RPL14: variants seen among roughly 807,000 people sequenced by gnomAD.
The protein encoded by RPL14 is ribosomal protein L14.
In RPL14, 4 loss-of-function variants were observed where a neutral mutation model predicts 25.3. The observed-to-expected ratio is 0.16, with a 90% CI of 0.08 to 0.36. The LOEUF is 0.36. Ranked by LOEUF, RPL14 falls within the 10% of genes least tolerant of loss-of-function variation. The pLI is 1.00. For missense variants in RPL14, 212 were observed against 261.9 expected (o/e 0.81, Z 1.31); for synonymous variants, 75 against 89.8 (o/e 0.84, Z 0.93).
chr3:40,458,202 C>A, intron 2 of RPL14: 1 of 587,214 alleles, frequency 1.7e-6, no homozygotes, highest in Admixed American at 3.0e-5. Flanking sequence ...TAAGCTAGAG[C>A]CAGTTATAGG....
At position 40,467,826 on chromosome 3, in the gene RPL14, T is replaced by G. The variant is rs34796686; in HGVS notation, c.*5594T>G. 0.68 allele frequency: 102,925 copies of G among 150,736 alleles called. 35,263 individuals are homozygous for G. The highest frequency in any genetic ancestry group is 0.73 in the African/African-American group (30,007 of 41,198). 9.3% of individuals were successfully genotyped at this position (150,736 alleles called of 1,614,324 possible). ...TTTTGTTTTTTGTGTGTGTGTGTTTTTTTTTTTTTTGAGACGAGGTCTTGC... is the reference window on the plus strand; with the variant it reads ...TTTTGTTTTTTGTGTGTGTGTGTTTGTTTTTTTTTTGAGACGAGGTCTTGC... On this transcript the variant is annotated 3_prime_UTR_variant, in exon 6 of 6. Coordinates refer to ENST00000396203, the MANE Select transcript of RPL14 (RefSeq NM_001034996.3).
chr3:40,461,266 T>C (rs1314499267), intron 3 of RPL14, 141 bp from the exon 4 acceptor site: 1 of 665,206 alleles, frequency 1.5e-6, no homozygotes, highest in African/African-American at 1.8e-5. Context: ...TCTGGCTTAC[T>C]GAACACAAAA....
Position 40,464,544 on chromosome 3 carries a change from A to T in RPL14, c.*2312A>T. 2.2e-6 allele frequency: 1 copy of T among 456,012 alleles called. No homozygotes were observed. The highest frequency in any genetic ancestry group is 4.4e-6 in the Non-Finnish European group (1 of 226,770). The allele number at this position is 456,012 out of a possible 1,614,324, so 28.2% of individuals were successfully genotyped here. On this transcript the variant is annotated 3_prime_UTR_variant, in exon 6 of 6. Coordinates refer to ENST00000396203, the MANE Select transcript of RPL14 (RefSeq NM_001034996.3). ...GTGTAGAGGACTGGCTCGGGACCAC[A>T]TCAAGGAAGTAGGTTAGTGGTTAGA...
rs1316713036 is a variant in RPL14, at chr3:40,462,018, G to C, written c.434G>C (p.Gly145Ala). Residue 145 changes from glycine (G) to alanine (A), a missense_variant, in exon 6 of 6, where the codon GGT becomes GCT. Gly to Ala is a moderately conservative substitution (Grantham distance 60). Coordinates refer to ENST00000396203, the MANE Select transcript of RPL14 (RefSeq NM_001034996.3). ...AAAGCTTCTCCCAAAAAAGCACCTG[G>C]TACTAAGGGTACTGCTGCTGCTGCT... ...LLKASPKKAP[G>A]TKGTAAAAAA... is the part of the protein sequence containing the mutation. 2.5e-6 allele frequency: 2 copies of C among 796,112 alleles called. No individual in the cohort carries two copies. The allele number at this position is 796,112 out of a possible 1,614,324, so 49.3% of individuals were successfully genotyped here. A position where few individuals can be genotyped will look rare whatever the true frequency, so the allele number is the denominator to read the frequency against.
rs766209314 is a variant in RPL14 at position 40,457,895 on chromosome 3, C to G, written c.9C>G (p.Phe3Leu). The change falls in exon 2 of 6, where the codon TTC becomes TTG. Residue 3 changes from phenylalanine to leucine, a missense_variant. Coordinates refer to ENST00000396203, the MANE Select transcript of RPL14 (RefSeq NM_001034996.3). The stretch of plus-strand genomic sequence containing the variant: ...CCTTTCTCCTCCAATTTTAGGTGTT[C>G]AGGCGCTTCGTGGAGGTTGGCCGGG... The part of the protein sequence containing the change: MV[F>L]RRFVEVGRVA... The G allele has an allele frequency of 1.2e-6, 2 of 1,614,154 alleles. No homozygotes were observed. The highest frequency in any genetic ancestry group is 1.7e-6 in the Non-Finnish European group (2 of 1,179,974).
Position 40,457,802 on chromosome 3 carries a change from T to G in RPL14, c.4-88T>G, listed in dbSNP as rs988574581. ...CCTGCAGCATTCTTTTTCGCTGAAT[T>G]TAACCATGTTGTCTTTAGCTGCAGA... On this transcript the variant is annotated intron_variant, in intron 1 of 5. Coordinates refer to ENST00000396203, the MANE Select transcript of RPL14 (RefSeq NM_001034996.3). 45 of 1,290,364 alleles carry G rather than the reference T, an allele frequency of 3.5e-5. No homozygotes were observed. In the South Asian group the frequency reaches 3.6e-4, roughly 10 times the overall value. 79.9% of individuals were successfully genotyped at this position (1,290,364 alleles called of 1,614,324 possible).
intron 2 of RPL14, chr3:40,458,286 C>A: frequency 1.9e-6 from 1 of 524,036 alleles, no homozygotes; most frequent in Non-Finnish European, 3.4e-6. Context: ...ACGTAGAAAG[C>A]ACTTTTGTAT....
rs1329912021 is a variant in RPL14 at position 40,465,803 on chromosome 3, G to A, written c.*3571G>A. 6.6e-6 allele frequency: 1 copy of A among 152,196 alleles called. No individual in the cohort carries two copies. Among genetic ancestry groups the A allele is most frequent in the Non-Finnish European group, 1.5e-5 (1 of 68,060 alleles). 9.4% of individuals were successfully genotyped at this position (152,196 alleles called of 1,614,324 possible). ...GTGCAATACAGAACAGTGGAAATTG[G>A]AAATTCCAATCTTGGAATCTCTAGG... On this transcript the variant is annotated 3_prime_UTR_variant, in exon 6 of 6. Transcript: ENST00000396203.
rs1697058272 is a variant in RPL14, at chr3:40,468,361, T to G, written c.*6129T>G. On this transcript the variant is annotated 3_prime_UTR_variant, in exon 6 of 6. Coordinates refer to ENST00000396203, the MANE Select transcript of RPL14 (RefSeq NM_001034996.3). The stretch of plus-strand genomic sequence containing the variant: ...ACAAAGACATTCCTGCCTGGCAGTC[T>G]TGAACTCCTGCTATTATCTCTTAAA... 1 of 152,242 alleles carries G rather than the reference T, an allele frequency of 6.6e-6. No individual in the cohort carries two copies. Among genetic ancestry groups the G allele is most frequent in the Non-Finnish European group, 1.5e-5 (1 of 68,036 alleles). 9.4% of individuals were successfully genotyped at this position (152,242 alleles called of 1,614,324 possible).
In RPL14 at chr3:40,466,036, C is replaced by G. The variant is rs1026266945; in HGVS notation, c.*3804C>G. On this transcript the variant is annotated 3_prime_UTR_variant, in exon 6 of 6. Transcript: ENST00000396203. ...TGAAACCCCGTCTTTACTAAAAATA[C>G]AAAAATTAGACAGGCATGGTGGAGC... is the stretch of plus-strand genomic sequence containing the variant. The G allele has an allele frequency of 6.6e-6, 1 of 151,634 alleles. No homozygotes were observed. Among genetic ancestry groups the G allele is most frequent in the Admixed American group, 6.6e-5 (1 of 15,218 alleles). The allele number at this position is 151,634 out of a possible 1,614,324, so 9.4% of individuals were successfully genotyped here. A position where few individuals can be genotyped will look rare whatever the true frequency, so the allele number is the denominator to read the frequency against.
intron 1 of RPL14, 66 bp downstream of exon 1, chr3:40,457,540 C>A (rs1296394771): frequency 7.4e-7 from 1 of 1,358,978 alleles, no homozygotes; most frequent in Non-Finnish European, 1.0e-6. Flanking sequence ...CCTTCCCGGA[C>A]TCGCCGCTGG....
At position 40,457,980 on chromosome 3, in the gene RPL14, G is replaced by C; in HGVS notation, c.94G>C (p.Asp32His). 2.5e-6 allele frequency: 4 copies of C among 1,614,106 alleles called. No homozygotes were observed. The highest frequency in any genetic ancestry group is 3.4e-6 in the Non-Finnish European group (4 of 1,179,982). Residue 32 changes from aspartate to histidine, a missense_variant, in exon 2 of 6, where the codon GAT (aspartate) becomes CAT (histidine). Transcript: ENST00000396203. ...ATTGGTCGCGATTGTAGATGTTATT[G>C]ATCAGAACAGGGTAAGTGTCACAAC... The part of the protein sequence containing the change: ...GKLVAIVDVI[D>H]QNRALVDGPC...
rs981182459 is a variant in RPL14 at position 40,464,408 on chromosome 3, C to A, written c.*2176C>A. The A allele has an allele frequency of 6.6e-6, 3 of 453,598 alleles. No homozygotes were observed. Among genetic ancestry groups the A allele is most frequent in the East Asian group, 6.9e-5 (1 of 14,408 alleles). 28.1% of individuals were successfully genotyped at this position (453,598 alleles called of 1,614,324 possible). On this transcript the variant is annotated 3_prime_UTR_variant, in exon 6 of 6. Coordinates refer to ENST00000396203, the MANE Select transcript of RPL14 (RefSeq NM_001034996.3). ...TATGGATGATTTCGGATTACCTGTT[C>A]TACTCTGGGAGGTAGAGAATTGTCT...
rs772948075 is a variant in RPL14, at chr3:40,457,877, C to T, written c.4-13C>T. 17 of 1,612,356 alleles carry T rather than the reference C, an allele frequency of 1.1e-5. No individual in the cohort carries two copies. The highest frequency in any genetic ancestry group is 4.0e-5 in the African/African-American group (3 of 74,918). ...CTAAGTAAGTTTCACTGTCCTTTCT[C>T]CTCCAATTTTAGGTGTTCAGGCGCT... On this transcript the variant is annotated splice_polypyrimidine_tract_variant and intron_variant, in intron 1 of 5. Transcript: ENST00000396203.
Position 40,457,355 on chromosome 3 carries a change from G to A in RPL14, c.-117G>A. ...GTCTTCTTCCTTCTCGCCTAACGCCGCCAACATGGTGAGTCTTACTGTTGC... is the reference window on the plus strand; with the variant it reads ...GTCTTCTTCCTTCTCGCCTAACGCCACCAACATGGTGAGTCTTACTGTTGC... On this transcript the variant is annotated 5_prime_UTR_variant, in exon 1 of 6. Transcript: ENST00000396203. The A allele has an allele frequency of 1.9e-6, 3 of 1,603,832 alleles. No individual in the cohort carries two copies. The highest frequency in any genetic ancestry group is 1.4e-5 in the African/African-American group (1 of 73,638).
At chr3:40,459,076 C>T (rs1696889020) in intron 3 of RPL14, 1 of 273,944 alleles carries the variant, frequency 3.7e-6, no homozygotes, top group Admixed American at 4.9e-5. Context: ...GGTAGGGGGG[C>T]CTTGGGGGTG....
At position 40,466,640 on chromosome 3, in the gene RPL14, A is replaced by G. The variant is rs569706395; in HGVS notation, c.*4408A>G. 6.6e-6 allele frequency: 1 copy of G among 152,184 alleles called. No homozygotes were observed. The highest frequency in any genetic ancestry group is 1.5e-5 in the Non-Finnish European group (1 of 68,028). 9.4% of individuals were successfully genotyped at this position (152,184 alleles called of 1,614,324 possible). ...TCATCTAAAAAGCAAGGATCCTGAT[A>G]CCTGCCTCATATTGTGGCAAGGATC... is the stretch of plus-strand genomic sequence containing the variant. On this transcript the variant is annotated 3_prime_UTR_variant, in exon 6 of 6. Coordinates refer to ENST00000396203, the MANE Select transcript of RPL14 (RefSeq NM_001034996.3).
Position 40,465,535 on chromosome 3 carries a change from C to G in RPL14, c.*3303C>G, listed in dbSNP as rs142022127. On this transcript the variant is annotated 3_prime_UTR_variant, in exon 6 of 6. Transcript: ENST00000396203. The stretch of plus-strand genomic sequence containing the variant: ...AGGTTTGCTGTTAGGAAATTAAGGA[C>G]TTTTCACCTTTATCTCTGAAATTTC... 7 of 152,286 alleles carry G rather than the reference C, an allele frequency of 4.6e-5. No individual in the cohort carries two copies. The East Asian group carries it at 1.3e-3, about 29-fold the overall frequency. The allele number at this position is 152,286 out of a possible 1,614,324, so 9.4% of individuals were successfully genotyped here. A position where few individuals can be genotyped will look rare whatever the true frequency, so the allele number is the denominator to read the frequency against.
chr3:40,460,078 A>G, intron 3 of RPL14, among the ~76,000 whole-genome samples: 1 of 152,130 alleles, frequency 6.6e-6, no homozygotes, highest in Non-Finnish European at 1.5e-5. Flanking sequence ...AATACTTGGT[A>G]ACTTAGATTT....
Sources: gnomAD v4.1 joint callset for allele counts (sites outside exome capture counted in the v4.1 genomes callset) on GRCh38, gnomAD v4.1.1 for gene constraint, MANE v1.5 for transcripts, NCBI Gene and HGNC (gene_info 2026-07-23, HGNC 2026-07-21) for gene names.